The following NSD2 variants were observed in gnomAD, a reference collection of about 807,000 sequenced individuals.
NSD2 encodes histone-lysine N-methyltransferase NSD2.
Under a neutral mutation model 139.0 loss-of-function variants are expected in NSD2, and 12 were observed. The observed-to-expected ratio is 0.09, with a 90% CI of 0.06 to 0.14. The LOEUF (loss-of-function observed/expected upper bound fraction) is 0.14, where lower values mean the gene tolerates loss of function less well. Ranked by LOEUF, NSD2 falls within the 10% of genes least tolerant of loss-of-function variation. The pLI, the probability that NSD2 is intolerant of heterozygous loss-of-function variation, is 1.00. For missense variants in NSD2, 1,155 were observed against 1,745.0 expected, an observed-to-expected ratio of 0.66 and a Z score of 6.02; for synonymous variants, 669 against 648.7, an observed-to-expected ratio of 1.03 and a Z score of -0.48.
chr4:1,977,288 G>A (rs950378501), intron 21 of NSD2, among the ~76,000 whole-genome samples: 4 of 152,246 alleles, frequency 2.6e-5, no homozygotes, highest in African/African-American at 9.6e-5. Flanking sequence ...TGGGAAAACA[G>A]TAGCGTCTTG....
At chr4:1,951,248 T>TG (rs1724193275) in intron 10 of NSD2, 45 bp downstream of exon 10, 1 of 1,611,880 alleles carries the variant, frequency 6.2e-7, no homozygotes, top group African/African-American at 1.3e-5. Context: ...GGTGTCTGAC[T>TG]GGGGCCCCGG....
At position 1,974,726 on chromosome 4, in the gene NSD2, A is replaced by G. The variant is rs771198549; in HGVS notation, c.3373-137A>G. ...GACTGGTTTGGGGGTGTCCTGTCTC[A>G]GTGGACACAGGACACCACGGTTTTC... On this transcript the variant is annotated intron_variant, in intron 18 of 21. Transcript: ENST00000508803. The surrounding 1 kb of genome is among the most constrained non-coding windows in gnomAD (Gnocchi z 4.0). 8.2e-7 allele frequency: 1 copy of G among 1,212,696 alleles called. No individual in the cohort carries two copies. The highest frequency in any genetic ancestry group is 1.2e-6 in the Non-Finnish European group (1 of 825,260). 75.1% of individuals were successfully genotyped at this position (1,212,696 alleles called of 1,614,324 possible). A position where few individuals can be genotyped will look rare whatever the true frequency, so the allele number is the denominator to read the frequency against.
At chr4:1,872,759 G>C (rs1019818229) in intron 1 of NSD2, among the ~76,000 whole-genome samples, 11 of 152,104 alleles carry the variant, frequency 7.2e-5, no homozygotes, top group African/African-American at 2.4e-4. Context: ...TGAGTTAAAC[G>C]CCAGCATCAC....
chr4:1,963,359 C>A (rs1158848752), intron 18 of NSD2, among the ~76,000 whole-genome samples: 2 of 152,066 alleles, frequency 1.3e-5, no homozygotes, highest in Admixed American at 1.3e-4. Flanking sequence ...CCTGTGTAGA[C>A]CCCTGGGAGG....
intron 20 of NSD2, 154 bp downstream of exon 20, chr4:1,975,554 C>A (rs753687101): frequency 2.3e-5 from 15 of 645,238 alleles, no homozygotes; most frequent in Admixed American, 2.0e-4. Context: ...GGGAGGATGG[C>A]TCTCAACAAA....
chr4:1,896,681 C>CCTTCCTTCCTCTCTTCCTTCCTCT (rs139558369), intron 1 of NSD2, among the ~76,000 whole-genome samples: 2 of 151,556 alleles, frequency 1.3e-5, no homozygotes, highest in African/African-American at 4.9e-5. Context: ...TCCCTCCCTC[C>CCTTCCTTCCTCTCTTCCTTCCTCT]CTTCCTTCCC....
intron 3 of NSD2, among the ~76,000 whole-genome samples, chr4:1,915,274 C>G (rs570884841): frequency 9.2e-5 from 14 of 152,010 alleles, no homozygotes; most frequent in Middle Eastern, 3.4e-3. Context: ...CACCACCATG[C>G]CTGGCTAATT....
rs372125946 is a variant in NSD2 at position 1,938,401 on chromosome 4, CT to C, written c.1675-40del. 9.1e-3 allele frequency: 8,005 copies of C among 875,854 alleles called. 205 individuals are homozygous for C. In the African/African-American group the frequency reaches 0.15, roughly 16 times the overall value. 54.3% of individuals were successfully genotyped at this position (875,854 alleles called of 1,614,324 possible). On this transcript the variant is annotated intron_variant, in intron 7 of 21. Transcript: ENST00000508803. ...TCTTTTTTTTTCCTTTTTTTCTTTT[CT>C]TTTTTTTTTCTTTCTTTTTTTTTTT...
rs144308486 is a variant in NSD2 at position 1,940,578 on chromosome 4, T to C, written c.1881+800T>C. The C allele has an allele frequency of 4.0e-5, 43 of 1,063,946 alleles. No homozygotes were observed. In the African/African-American group the frequency reaches 6.7e-4, roughly 17 times the overall value. 65.9% of individuals were successfully genotyped at this position (1,063,946 alleles called of 1,614,324 possible). ...CCTTCATAGAGCTTTGGAGTTTTAA[T>C]TTCTTGTTATTTGGTTCTCCGTGAT... On this transcript the variant is annotated intron_variant, in intron 9 of 21. Coordinates refer to ENST00000508803, the MANE Select transcript of NSD2 (RefSeq NM_001042424.3).
rs551498326 is a variant in NSD2, at chr4:1,903,773, C to T, written c.598-443C>T. ...TTTTTGAGATGGAGTCTCGCCCTGTCGCCCAGGCTGGAGTGCAGTGGCGTG... is the reference window on the plus strand; with the variant it reads ...TTTTTGAGATGGAGTCTCGCCCTGTTGCCCAGGCTGGAGTGCAGTGGCGTG... On this transcript the variant is annotated intron_variant, in intron 2 of 21. Coordinates refer to ENST00000508803, the MANE Select transcript of NSD2 (RefSeq NM_001042424.3). Among the ~76,000 whole-genome samples the T allele has an allele frequency of 1.1e-4, 16 of 143,810 alleles. No individual in the cohort carries two copies. The South Asian group carries it at 2.0e-3, about 18-fold the overall frequency. 94.3% of individuals were successfully genotyped at this position (143,810 alleles called of 152,430 possible). A position where few individuals can be genotyped will look rare whatever the true frequency, so the allele number is the denominator to read the frequency against.
intron 18 of NSD2, among the ~76,000 whole-genome samples, chr4:1,971,634 G>A (rs1172809691): frequency 6.6e-6 from 1 of 152,160 alleles, no homozygotes; most frequent in Non-Finnish European, 1.5e-5. Context: ...TCCGAGCCAG[G>A]GCGTGGACCT....
Position 1,976,471 on chromosome 4 carries a change from C to T in NSD2, c.3622-4C>T, listed in dbSNP as rs1486016585. 3.1e-6 allele frequency: 5 copies of T among 1,612,518 alleles called. No individual in the cohort carries two copies. The highest frequency in any genetic ancestry group is 3.4e-6 in the Non-Finnish European group (4 of 1,179,480). ...GGTGATCTGTGCTTAATTCTTGACT[C>T]TAGACCTCGACGACCCTTTCATCAG... On this transcript the variant is annotated splice_region_variant and splice_polypyrimidine_tract_variant and intron_variant, in intron 20 of 21. Transcript: ENST00000508803. This position sits in a 1 kb window ranked among gnomAD's most constrained non-coding sequence, Gnocchi z 5.3.
rs1726871760 is a variant in NSD2, at chr4:1,974,641, C to T, written c.3373-222C>T. On this transcript the variant is annotated intron_variant, in intron 18 of 21. Transcript: ENST00000508803. The surrounding 1 kb of genome is among the most constrained non-coding windows in gnomAD (Gnocchi z 4.0). ...TCCCTGTCCTGTCCTCCCCGGCGCT[C>T]ACTAAGGCTCGGTCCTCTCCACGTG... 1.4e-6 allele frequency: 1 copy of T among 729,626 alleles called. No homozygotes were observed. The highest frequency in any genetic ancestry group is 1.4e-5 in the South Asian group (1 of 72,522). 45.2% of individuals were successfully genotyped at this position (729,626 alleles called of 1,614,324 possible). A position where few individuals can be genotyped will look rare whatever the true frequency, so the allele number is the denominator to read the frequency against.
In NSD2 at chr4:1,975,016, G is replaced by T. The variant is rs773696835; in HGVS notation, c.3514+12G>T. ...TGACATTCCTGCAGGTACAAGCTCT[G>T]GGGACCCTGCATGGGGCTCCTGGCT... is the stretch of plus-strand genomic sequence containing the variant. On this transcript the variant is annotated intron_variant, in intron 19 of 21. Coordinates refer to ENST00000508803, the MANE Select transcript of NSD2 (RefSeq NM_001042424.3). 6.2e-7 allele frequency: 1 copy of T among 1,613,910 alleles called. No homozygotes were observed. The highest frequency in any genetic ancestry group is 1.3e-5 in the African/African-American group (1 of 74,888).
chr4:1,977,909 T>G (rs1331640654), intron 21 of NSD2, among the ~76,000 whole-genome samples: 2 of 151,802 alleles, frequency 1.3e-5, no homozygotes, highest in African/African-American at 4.8e-5. Context: ...GATGGATCAC[T>G]TGAGGTCAGG....
At chr4:1,872,625 A>AGC (rs1713934182) in intron 1 of NSD2, among the ~76,000 whole-genome samples, 2 of 144,222 alleles carry the variant, frequency 1.4e-5, no homozygotes, top group African/African-American at 5.2e-5. Flanking sequence ...AGAGAGAGAG[A>AGC]GAGAGAGAGA....
At chr4:1,915,107 T>C (rs1050781974) in intron 3 of NSD2, among the ~76,000 whole-genome samples, 15 of 149,506 alleles carry the variant, frequency 1.0e-4, no homozygotes, top group African/African-American at 3.5e-4. Context: ...TTTTCTTTTT[T>C]TCTCTTTTTT....
chr4:1,933,688 C>G (rs1483842770), intron 6 of NSD2, among the ~76,000 whole-genome samples: 1 of 152,190 alleles, frequency 6.6e-6, no homozygotes, highest in Non-Finnish European at 1.5e-5. Context: ...GCCACCGCGC[C>G]CGGCCCTGCA....
chr4:1,875,251 G>A (rs954393882), intron 1 of NSD2, among the ~76,000 whole-genome samples: 1 of 151,156 alleles, frequency 6.6e-6, no homozygotes, highest in African/African-American at 2.4e-5. Flanking sequence ...GAACCACTGT[G>A]CCCGGCCAAG....
Sources: gnomAD v4.1 joint callset for allele counts (sites outside exome capture counted in the v4.1 genomes callset) on GRCh38, gnomAD v4.1.1 for gene constraint, Gnocchi (gnomAD v3.1) non-coding constraint, MANE v1.5 for transcripts, NCBI Gene and HGNC (gene_info 2026-07-23, HGNC 2026-07-21) for gene names.